The following JAKMIP2 variants were observed in gnomAD, a reference collection of about 807,000 sequenced individuals.
The protein encoded by JAKMIP2 is janus kinase and microtubule interacting protein 2, also known as janus kinase and microtubule-interacting protein 2.
In JAKMIP2, 25 loss-of-function variants were observed where a neutral mutation model predicts 115.0. That is an observed-to-expected ratio of 0.22 (90% CI 0.16 to 0.30). JAKMIP2 has a LOEUF of 0.30. Ranked by LOEUF, JAKMIP2 falls within the 10% of genes least tolerant of loss-of-function variation. The pLI, the probability that JAKMIP2 is intolerant of heterozygous loss-of-function variation, is 1.00. For synonymous variants in JAKMIP2, 334 were observed against 343.6 expected (o/e 0.97, Z 0.31); for missense variants, 642 against 957.6 (o/e 0.67, Z 4.35).
chr5:147,773,150 A>G (rs1265066564), intron 1 of JAKMIP2, among the ~76,000 whole-genome samples: 1 of 152,148 alleles, frequency 6.6e-6, no homozygotes, highest in Non-Finnish European at 1.5e-5. Context: ...CACATCTTCT[A>G]AAGAGTAAAG....
chr5:147,628,653 C>T, intron 16 of JAKMIP2, 98 bp downstream of exon 16: 1 of 823,058 alleles, frequency 1.2e-6, no homozygotes, highest in South Asian at 1.7e-5. Flanking sequence ...TATTCACACA[C>T]AGTCATGTGC....
intron 1 of JAKMIP2, among the ~76,000 whole-genome samples, chr5:147,698,513 G>T (rs769790326): frequency 1.3e-5 from 2 of 152,194 alleles, no homozygotes; most frequent in Non-Finnish European, 2.9e-5. Context: ...ATCTTGAACT[G>T]TAGTTCCCAT....
At chr5:147,707,210 G>C (rs1046669563) in intron 1 of JAKMIP2, among the ~76,000 whole-genome samples, 2 of 152,166 alleles carry the variant, frequency 1.3e-5, no homozygotes, top group Non-Finnish European at 2.9e-5. Context: ...TGTGCAACCA[G>C]TATTAATAAG....
intron 1 of JAKMIP2, among the ~76,000 whole-genome samples, chr5:147,763,647 A>C (rs1561581606): frequency 6.6e-6 from 1 of 152,094 alleles, no homozygotes; most frequent in Non-Finnish European, 1.5e-5. Flanking sequence ...TCTGAAACTG[A>C]AATATAGAGA....
intron 1 of JAKMIP2, among the ~76,000 whole-genome samples, chr5:147,739,783 G>A (rs1248509363): frequency 6.6e-6 from 1 of 151,942 alleles, no homozygotes; most frequent in African/African-American, 2.4e-5. Context: ...CTTAAATCAA[G>A]TTCTGAGCTC....
At chr5:147,723,363 T>C (rs1230360684) in intron 1 of JAKMIP2, among the ~76,000 whole-genome samples, 1 of 152,096 alleles carries the variant, frequency 6.6e-6, no homozygotes, top group South Asian at 2.1e-4. Context: ...GAAACATTTG[T>C]ATGATTAAAG....
intron 18 of JAKMIP2, among the ~76,000 whole-genome samples, chr5:147,620,011 GT>G (rs1257405279): frequency 2.0e-5 from 3 of 152,012 alleles, no homozygotes; most frequent in South Asian, 2.1e-4. Context: ...ACTGGATTTG[GT>G]TTAATAAAAT....
intron 16 of JAKMIP2, among the ~76,000 whole-genome samples, chr5:147,626,706 G>C (rs1757113747): frequency 6.6e-6 from 1 of 152,214 alleles, no homozygotes; most frequent in African/African-American, 2.4e-5. Context: ...CACCCACACA[G>C]GGCAGGGAGC....
intron 1 of JAKMIP2, among the ~76,000 whole-genome samples, chr5:147,693,007 C>T (rs1751945013): frequency 6.6e-6 from 1 of 152,002 alleles, no homozygotes; most frequent in South Asian, 2.1e-4. Flanking sequence ...ATGTGTGCCA[C>T]CAATTTTGTA....
At chr5:147,647,088 T>C (rs1327118494) in intron 5 of JAKMIP2, among the ~76,000 whole-genome samples, 2 of 152,024 alleles carry the variant, frequency 1.3e-5, no homozygotes, top group Admixed American at 6.6e-5. Flanking sequence ...AAATTGACTG[T>C]ATGCTGAGGT....
intron 1 of JAKMIP2, among the ~76,000 whole-genome samples, chr5:147,703,947 C>T (rs1752471627): frequency 6.6e-6 from 1 of 151,972 alleles, no homozygotes; most frequent in African/African-American, 2.4e-5. Context: ...AAAACTAAGA[C>T]ACAAACACCA....
chr5:147,758,723 C>T (rs904161855), intron 1 of JAKMIP2, among the ~76,000 whole-genome samples: 1 of 152,110 alleles, frequency 6.6e-6, no homozygotes, highest in African/African-American at 2.4e-5. Context: ...GCTGAGACTA[C>T]AGGTGTGCAT....
intron 16 of JAKMIP2, 24 bp from the exon 17 acceptor site, chr5:147,623,713 T>C (rs1342259280): frequency 6.5e-7 from 1 of 1,527,550 alleles, no homozygotes; most frequent in Admixed American, 1.7e-5. Flanking sequence ...AAGACAAAAG[T>C]GTTTGACATG....
At chr5:147,719,335 G>A (rs1753157001) in intron 1 of JAKMIP2, among the ~76,000 whole-genome samples, 1 of 137,836 alleles carries the variant, frequency 7.3e-6, no homozygotes, top group Non-Finnish European at 1.5e-5. Flanking sequence ...TTGATTTGGG[G>A]TGGAGAGTTC....
intron 1 of JAKMIP2, among the ~76,000 whole-genome samples, chr5:147,675,010 T>C (rs777539683): frequency 7.6e-4 from 116 of 152,318 alleles, no homozygotes; most frequent in Admixed American, 2.2e-3. Flanking sequence ...TCGTGCCCAA[T>C]TTTTAAACGT....
chr5:147,640,732 G>T lies in JAKMIP2; in HGVS notation c.1373C>A (p.Pro458Gln). 1 of 1,613,742 alleles carries T rather than the reference G, an allele frequency of 6.2e-7. No homozygotes were observed. Among genetic ancestry groups the T allele is most frequent in the Non-Finnish European group, 8.5e-7 (1 of 1,179,762 alleles). The change falls in exon 9 of 22, where the codon CCA becomes CAA. Residue 458 changes from proline to glutamine, a missense_variant. Physicochemically the swap from Pro to Gln is moderately conservative, Grantham distance 76. Around this residue, in one of 6 missense-constraint regions of JAKMIP2, gnomAD observed 439 missense variants for 570.9 expected, o/e 0.77. Coordinates refer to ENST00000616793, the MANE Select transcript of JAKMIP2 (RefSeq NM_001270941.2). ...SMASFRTDRT[P>Q]ATPDDDLDES... ...ATCCAAGTCATCATCAGGAGTAGCT[G>T]GTGTTCTGTCTGTTCTAAATGAGGC... is the stretch of plus-strand genomic sequence containing the variant.
rs10044132 is a variant in JAKMIP2 at position 147,724,392 on chromosome 5, T to C, written c.-148-52438A>G. Among the ~76,000 whole-genome samples, 1,270 of 152,298 alleles carry C rather than the reference T, an allele frequency of 8.3e-3. 16 individuals are homozygous for C. The highest frequency in any genetic ancestry group is 0.028 in the African/African-American group (1,169 of 41,566). ...TGATAGAATATGGCAAGGTGTTATATAGAAATATCTTCTTACGTCTTTCTT... is the reference window on the plus strand; with the variant it reads ...TGATAGAATATGGCAAGGTGTTATACAGAAATATCTTCTTACGTCTTTCTT... On this transcript the variant is annotated intron_variant, in intron 1 of 21. Coordinates refer to ENST00000616793, the MANE Select transcript of JAKMIP2 (RefSeq NM_001270941.2).
chr5:147,689,029 GTGT>G (rs1760708229), intron 1 of JAKMIP2, among the ~76,000 whole-genome samples: 1 of 152,344 alleles, frequency 6.6e-6, no homozygotes, highest in African/African-American at 2.4e-5. Flanking sequence ...GATCCAGGTG[GTGT>G]TGTGATTTTA....
chr5:147,615,184 T>A lies in JAKMIP2; in HGVS notation c.2346+2727A>T, dbSNP rs140958219. On this transcript the variant is annotated intron_variant, in intron 19 of 21. Transcript: ENST00000616793. ...CACCTGGTACACAGCAGGCCCTCAA[T>A]AAATGGTTGTGAATGAGTGCATAAC... is the stretch of plus-strand genomic sequence containing the variant. 3.6e-3 allele frequency among the ~76,000 whole-genome samples: 541 copies of A among 152,236 alleles called. 2 individuals carry two copies. The highest frequency in any genetic ancestry group is 5.2e-3 in the Non-Finnish European group (352 of 68,012).
Sources: allele counts gnomAD v4.1 joint callset (sites outside exome capture counted in the v4.1 genomes callset), GRCh38; gene constraint gnomAD v4.1.1; regional missense constraint gnomAD v4.1.1; transcripts MANE v1.5; gene names NCBI Gene and HGNC (gene_info 2026-07-23, HGNC 2026-07-21).